Variants in DENND2C observed in about 807,000 individuals in gnomAD.
The protein encoded by DENND2C is DENN domain-containing protein 2C.
A neutral mutation model predicts 112.4 loss-of-function variants in DENND2C; 72 were observed. The ratio of observed to expected loss-of-function variants is 0.64; its 90% confidence interval spans 0.53 to 0.78. The LOEUF is 0.78. Among genes scored for constraint, DENND2C ranks in the 30% least tolerant of loss-of-function variants. The pLI is 0.00. For missense variants in DENND2C, 992 were observed against 1,113.8 expected (o/e 0.89, Z 1.56); for synonymous variants, 329 against 381.6 (o/e 0.86, Z 1.61).
At chr1:114,599,486 A>G in intron 15 of DENND2C, 35 bp from the exon 16 acceptor site, 1 of 1,518,518 alleles carries the variant, frequency 6.6e-7, no homozygotes, top group Non-Finnish European at 8.9e-7. Context: ...TGTCATATAT[A>G]GAGTAACATA....
At chr1:114,599,893 C>T (rs1655445850) in intron 15 of DENND2C, among the ~76,000 whole-genome samples, 1 of 150,750 alleles carries the variant, frequency 6.6e-6, no homozygotes, top group Non-Finnish European at 1.5e-5. Context: ...TTTTTGTTCT[C>T]ACTCATAGGT....
intron 3 of DENND2C, among the ~76,000 whole-genome samples, chr1:114,626,982 T>C (rs1351819672): frequency 6.6e-6 from 1 of 152,168 alleles, no homozygotes; most frequent in African/African-American, 2.4e-5. Flanking sequence ...TGATTAATAA[T>C]ATCAGCCCAT....
At chr1:114,662,859 C>G (rs1349619513) in intron 1 of DENND2C, among the ~76,000 whole-genome samples, 1 of 151,960 alleles carries the variant, frequency 6.6e-6, no homozygotes, top group Non-Finnish European at 1.5e-5. Flanking sequence ...AACTGGGAGG[C>G]TGAGGTGGAG....
chr1:114,639,583 G>GAAAAAAAAA (rs11346651), intron 3 of DENND2C, among the ~76,000 whole-genome samples: 1 of 130,054 alleles, frequency 7.7e-6, no homozygotes. Flanking sequence ...ACTCCATCTT[G>GAAAAAAAAA]AAAAAAAAAA....
intron 8 of DENND2C, among the ~76,000 whole-genome samples, chr1:114,613,788 G>A (rs1195584417): frequency 6.6e-6 from 1 of 152,154 alleles, no homozygotes; most frequent in African/African-American, 2.4e-5. Flanking sequence ...GTGGGATTAT[G>A]AGCCAAGAGA....
chr1:114,597,742 C>T (rs968215439), intron 16 of DENND2C, among the ~76,000 whole-genome samples: 2 of 152,152 alleles, frequency 1.3e-5, no homozygotes, highest in African/African-American at 2.4e-5. Flanking sequence ...GAGATCACGC[C>T]ACTGCACTCC....
chr1:114,643,042 C>A (rs1392276034), intron 3 of DENND2C, among the ~76,000 whole-genome samples: 1 of 152,104 alleles, frequency 6.6e-6, no homozygotes, highest in Non-Finnish European at 1.5e-5. Context: ...ATGTCTTTGC[C>A]ATGACCTCAA....
chr1:114,609,747 C>T (rs1253700455), intron 9 of DENND2C, among the ~76,000 whole-genome samples: 2 of 152,150 alleles, frequency 1.3e-5, no homozygotes, highest in African/African-American at 4.8e-5. Context: ...CTTTTTGATA[C>T]AATGCATTCT....
intron 2 of DENND2C, among the ~76,000 whole-genome samples, chr1:114,650,746 A>AACAATTGTACAATGTACAATTGT (rs1244049581): frequency 1.3e-5 from 2 of 151,938 alleles, no homozygotes; most frequent in African/African-American, 4.8e-5. Context: ...ACACATTCAT[A>AACAATTGTACAATGTACAATTGT]ACAATTGTAC....
At position 114,640,657 on chromosome 1, in the gene DENND2C, C is replaced by T. The variant is rs572498530; in HGVS notation, c.-205+4791G>A. 9.1e-4 allele frequency among the ~76,000 whole-genome samples: 139 copies of T among 152,218 alleles called. 1 individual carries two copies. The highest frequency in any genetic ancestry group is 2.7e-3 in the African/African-American group (114 of 41,540). ...AGTTCAGAGAAAAGATGCAAGGACA[C>T]GAATCTTTAAAGAAAATAGTCTACA... On this transcript the variant is annotated intron_variant, in intron 3 of 20. Transcript: ENST00000393274.
At chr1:114,654,054 C>T (rs903283343) in intron 2 of DENND2C, among the ~76,000 whole-genome samples, 1 of 152,094 alleles carries the variant, frequency 6.6e-6, no homozygotes, top group Non-Finnish European at 1.5e-5. Flanking sequence ...AATATGGATA[C>T]GCACCAAAAA....
At chr1:114,652,761 A>G (rs371169274) in intron 2 of DENND2C, among the ~76,000 whole-genome samples, 10 of 148,374 alleles carry the variant, frequency 6.7e-5, no homozygotes, top group Admixed American at 2.1e-4. Context: ...GGTGCACTAC[A>G]GCCTTGAACT....
At chr1:114,608,533 CTAACA>C (rs957183330) in intron 10 of DENND2C, among the ~76,000 whole-genome samples, 148 bp downstream of exon 10, 1 of 152,308 alleles carries the variant, frequency 6.6e-6, no homozygotes, top group Non-Finnish European at 1.5e-5. Flanking sequence ...CAGCTCATAC[CTAACA>C]TAAGATGTTT....
At chr1:114,608,952 T>C (rs575082402) in intron 9 of DENND2C, 79 bp from the exon 10 acceptor site, 31 of 1,468,034 alleles carry the variant, frequency 2.1e-5, no homozygotes, top group Admixed American at 9.2e-5. Context: ...ATGACCCACA[T>C]AGGATTAATC....
intron 18 of DENND2C, among the ~76,000 whole-genome samples, chr1:114,591,195 TG>T (rs950505568): frequency 2.6e-5 from 4 of 152,190 alleles, no homozygotes; most frequent in Non-Finnish European, 5.9e-5. Flanking sequence ...CTTGAACTCC[TG>T]GGCTCAAGTG....
At chr1:114,649,143 C>T (rs916614838) in intron 2 of DENND2C, among the ~76,000 whole-genome samples, 6 of 151,734 alleles carry the variant, frequency 4.0e-5, no homozygotes, top group African/African-American at 9.7e-5. Flanking sequence ...TTAGTAGAGA[C>T]AGGGTTTCAG....
At chr1:114,642,297 T>TA (rs1393980186) in intron 3 of DENND2C, among the ~76,000 whole-genome samples, 1 of 152,172 alleles carries the variant, frequency 6.6e-6, no homozygotes, top group Non-Finnish European at 1.5e-5. Flanking sequence ...AGAGATAAGA[T>TA]AAAGTCTATA....
intron 1 of DENND2C, among the ~76,000 whole-genome samples, chr1:114,656,455 G>C (rs1657331084): frequency 6.7e-6 from 1 of 149,130 alleles, no homozygotes. Flanking sequence ...GGAGTGCAGT[G>C]GTGCGATCTC....
At position 114,608,734 on chromosome 1, in the gene DENND2C, T is replaced by C. The variant is rs758814914; in HGVS notation, c.1509A>G (p.Pro503=). 2 of 1,614,196 alleles carry C rather than the reference T, an allele frequency of 1.2e-6. No individual in the cohort carries two copies. Among genetic ancestry groups the C allele is most frequent in the Non-Finnish European group, 1.7e-6 (2 of 1,180,036 alleles). The part of the protein sequence containing the change: ...LFVVVSLQKK[P]SGISYIPQVI... ...CCTGGGGAATATAGCTTATTCCTGA[T>C]GGTTTCTTCTGTAGAGACACCACCA... Residue 503 remains proline (P), a synonymous_variant, in exon 10 of 21, where the codon CCA becomes CCG. Transcript: ENST00000393274.
Sources: allele counts gnomAD v4.1 joint callset (sites outside exome capture counted in the v4.1 genomes callset), GRCh38; gene constraint gnomAD v4.1.1; transcripts MANE v1.5; gene names NCBI Gene and HGNC (gene_info 2026-07-23, HGNC 2026-07-21).